The following UGT2B7 variants were observed in gnomAD, a reference collection of about 807,000 sequenced individuals.
UGT2B7 encodes the protein UDP-glucuronosyltransferase 2B7.
In UGT2B7, 51 loss-of-function variants were observed where a neutral mutation model predicts 51.9. The ratio of observed to expected loss-of-function variants is 0.98; its 90% CI spans 0.78 to 1.24. The LOEUF (loss-of-function observed/expected upper bound fraction) is 1.24. UGT2B7 is among the 50% of genes most tolerant of loss of function. The pLI is 0.00. For missense variants in UGT2B7, 727 were observed against 628.4 expected (o/e 1.16, Z -1.68); for synonymous variants, 225 against 211.6 (o/e 1.06, Z -0.55).
At chr4:69,079,483 TA>T (rs1160597860) in intron 1 of UGT2B7, among the ~76,000 whole-genome samples, 4 of 152,166 alleles carry the variant, frequency 2.6e-5, no homozygotes, top group Non-Finnish European at 4.4e-5. Context: ...TAAAGTATAA[TA>T]AAAAATATAT....
At chr4:69,109,055 T>C (rs1250609216) in intron 5 of UGT2B7, among the ~76,000 whole-genome samples, 2 of 152,024 alleles carry the variant, frequency 1.3e-5, no homozygotes, top group East Asian at 3.9e-4. Flanking sequence ...TTTTTTCTGG[T>C]TTTAGTTTCA....
upstream of UGT2B7, among the ~76,000 whole-genome samples, chr4:69,094,738 C>T (rs1349617970): frequency 6.6e-6 from 1 of 152,184 alleles, no homozygotes; most frequent in Non-Finnish European, 1.5e-5. Flanking sequence ...TTAACCCACC[C>T]TTTCACAAAA....
chr4:69,080,402 G>A (rs62296922), intron 1 of UGT2B7, among the ~76,000 whole-genome samples: 87,514 of 151,654 alleles, frequency 0.58, 26,242 homozygotes, highest in African/African-American at 0.71. Flanking sequence ...ACAAAAATTA[G>A]CCAGGCATGG....
At chr4:69,106,602 G>A (rs770812152) in intron 3 of UGT2B7, among the ~76,000 whole-genome samples, 5 of 152,088 alleles carry the variant, frequency 3.3e-5, no homozygotes, top group South Asian at 2.1e-4. Flanking sequence ...TTTATAGTCC[G>A]TTGGTTATAT....
At chr4:69,056,454 A>C (rs551170002) in intron 1 of UGT2B7, among the ~76,000 whole-genome samples, 1 of 152,346 alleles carries the variant, frequency 6.6e-6, no homozygotes, top group South Asian at 2.1e-4. Context: ...AAAAGTTTGT[A>C]GAAAATTTAA....
rs772881274 is a variant in UGT2B7, at chr4:69,096,805, GA to G, written c.286del (p.Arg96AspfsTer27). 6.2e-7 allele frequency: 1 copy of G among 1,613,950 alleles called. No homozygotes were observed. On this transcript the variant is annotated frameshift_variant, in exon 1 of 6. Coordinates refer to ENST00000305231, the MANE Select transcript of UGT2B7 (RefSeq NM_001074.4). LOFTEE classifies it high-confidence loss of function. ...AGAATTTCATCATGCAACAGATTAA[GA>G]GATGGTCAGACCTTCCAAAAGATAC... is the stretch of plus-strand genomic sequence containing the variant. ...LENFIMQQIK[R>X]WSDLPKDTFW...
Position 69,102,869 on chromosome 4 carries a change from A to G in UGT2B7, c.933A>G (p.Ser311=), listed in dbSNP as rs757210767. 15 of 1,613,702 alleles carry G rather than the reference A, an allele frequency of 9.3e-6. No individual in the cohort carries two copies. In the South Asian group the frequency reaches 1.6e-4, roughly 18 times the overall value. Residue 311 remains serine (S), a synonymous_variant, in exon 3 of 6, where the codon TCA becomes TCG. Transcript: ENST00000305231. The part of the protein sequence containing the change: ...ENGVVVFSLG[S]MVSNMTEERA... ...GTGTTGTGGTGTTTTCTCTGGGGTC[A>G]ATGGTCAGTAACATGACAGAAGAAA...
At chr4:69,104,645 T>C (rs1719539124) in intron 3 of UGT2B7, among the ~76,000 whole-genome samples, 1 of 152,160 alleles carries the variant, frequency 6.6e-6, no homozygotes, top group Admixed American at 6.6e-5. Context: ...AATAAATTTA[T>C]TCAAGAAATG....
chr4:69,062,252 T>C (rs1179339136), intron 1 of UGT2B7, among the ~76,000 whole-genome samples: 1 of 152,092 alleles, frequency 6.6e-6, no homozygotes, highest in African/African-American at 2.4e-5. Context: ...CCACACTGGG[T>C]ATTTGCCCAA....
rs1324213470 is a variant in UGT2B7, at chr4:69,083,311, A to G, written c.-158-6161A>G. On this transcript the variant is annotated intron_variant, in intron 1 of 5. Coordinates refer to the UGT2B7 transcript ENST00000502942. The stretch of plus-strand genomic sequence containing the variant: ...ACTTTCAAGTTTTATCATTTAAGAA[A>G]TACATTTTATAATGCTATTGTTGTC... 2.0e-5 allele frequency among the ~76,000 whole-genome samples: 3 copies of G among 152,156 alleles called. 1 individual carries two copies. The highest frequency in any genetic ancestry group is 7.2e-5 in the African/African-American group (3 of 41,456).
intron 1 of UGT2B7, among the ~76,000 whole-genome samples, chr4:69,073,825 A>G (rs1205071375): frequency 3.3e-5 from 5 of 152,172 alleles, no homozygotes; most frequent in Non-Finnish European, 5.9e-5. Context: ...CTGTTTACTG[A>G]CAATTTCTAG....
chr4:69,068,875 G>A (rs1211617790), intron 1 of UGT2B7, among the ~76,000 whole-genome samples: 1 of 151,742 alleles, frequency 6.6e-6, no homozygotes, highest in East Asian at 1.9e-4. Context: ...GAAACAAATG[G>A]AACTACAATG....
intron 1 of UGT2B7, chr4:69,069,586 A>G (rs1040925036): frequency 1.3e-5 from 2 of 151,972 alleles, no homozygotes. Flanking sequence ...AATTTCACAT[A>G]TTTATCTTTT....
chr4:69,096,758 T>A lies in UGT2B7; in HGVS notation c.238T>A (p.Ser80Thr), dbSNP rs368905272. ...TCTTAAAATTGAAATTTATCCCACA[T>A]CTTTAACTAAAACTGAGTTGGAGAA... ...SALKIEIYPT[S>T]LTKTELENFI... The change falls in exon 1 of 6, where the codon TCT becomes ACT. Residue 80 changes from serine to threonine, a missense_variant. Physicochemically the swap from Ser to Thr is moderately conservative, Grantham distance 58. Coordinates refer to ENST00000305231, the MANE Select transcript of UGT2B7 (RefSeq NM_001074.4). 8.1e-6 allele frequency: 13 copies of A among 1,614,018 alleles called. No homozygotes were observed. Among genetic ancestry groups the A allele is most frequent in the Admixed American group, 1.7e-5 (1 of 59,976 alleles).
intron 1 of UGT2B7, among the ~76,000 whole-genome samples, chr4:69,076,855 C>T (rs913610996): frequency 1.3e-5 from 2 of 152,124 alleles, no homozygotes; most frequent in African/African-American, 2.4e-5. Context: ...GAAGTCTTTG[C>T]CCATGCCTAT....
At chr4:69,105,643 T>G (rs1719572297) in intron 3 of UGT2B7, among the ~76,000 whole-genome samples, 1 of 152,186 alleles carries the variant, frequency 6.6e-6, no homozygotes, top group African/African-American at 2.4e-5. Context: ...CACCAACAGA[T>G]TCTTCATTTC....
upstream of UGT2B7, among the ~76,000 whole-genome samples, chr4:69,092,317 T>C (rs1319207627): frequency 6.6e-6 from 1 of 152,184 alleles, no homozygotes; most frequent in Non-Finnish European, 1.5e-5. Flanking sequence ...TTTAATTGAA[T>C]TGGGTGGAAT....
intron 1 of UGT2B7, among the ~76,000 whole-genome samples, chr4:69,070,640 C>G (rs1718580416): frequency 6.6e-6 from 1 of 151,912 alleles, no homozygotes; most frequent in South Asian, 2.1e-4. Flanking sequence ...AAACCAAAAA[C>G]AGAGTAGTGG....
chr4:69,064,187 TCCCAGACGCAGCAACGGGTGCAG>T (rs1718438618), intron 1 of UGT2B7, among the ~76,000 whole-genome samples: 1 of 152,152 alleles, frequency 6.6e-6, no homozygotes, highest in Non-Finnish European at 1.5e-5. Context: ...GGCTAACTTG[TCCCAGACGCAGCAACGGGTGCAG>T]CCCAGACCCA....
Sources: allele counts gnomAD v4.1 joint callset (sites outside exome capture counted in the v4.1 genomes callset), GRCh38; gene constraint gnomAD v4.1.1; transcripts MANE v1.5; gene names NCBI Gene and HGNC (gene_info 2026-07-23, HGNC 2026-07-21).